Variants in ZBED6 observed in about 807,000 individuals in gnomAD.
ZBED6 encodes zinc finger BED domain-containing protein 6.
Under a neutral mutation model 58.4 loss-of-function variants are expected in ZBED6, and 40 were observed. The observed-to-expected ratio is 0.68, with a 90% confidence interval of 0.53 to 0.89. The LOEUF (loss-of-function observed/expected upper bound fraction) is 0.89, where lower values mean the gene tolerates loss of function less well. ZBED6 is among the 40% of genes least tolerant of loss of function. The probability of loss-of-function intolerance (pLI) is 0.00; values close to 1 mark genes in which losing one functional copy is unlikely to be tolerated. For synonymous variants in ZBED6, 439 were observed against 350.6 expected (o/e 1.25, Z -2.82); for missense variants, 1,057 against 1,003.9 (o/e 1.05, Z -0.71).
chr1:203,823,074 T>C (rs1442886032), intron 3 of ZBED6, among the ~76,000 whole-genome samples: 1 of 42,814 alleles, frequency 2.3e-5, no homozygotes, highest in Non-Finnish European at 4.7e-5. Context: ...TTTTATGTTA[T>C]AACATGAAAA....
In ZBED6 at chr1:203,850,619, G is replaced by A. The variant is rs764689623; in HGVS notation, c.*4743G>A. On this transcript the variant is annotated 3_prime_UTR_variant, in exon 15 of 17. Coordinates refer to ENST00000550078, the Ensembl canonical transcript of ZBED6. ...GGAGATGCACGCTGCTGTCATTGCC[G>A]CTGTGAAGCCACTCAGCTCCAGCAG... 222 of 1,613,988 alleles carry A rather than the reference G, an allele frequency of 1.4e-4. No individual in the cohort carries two copies. The highest frequency in any genetic ancestry group is 1.8e-4 in the Non-Finnish European group (213 of 1,180,018).
At chr1:203,805,134 A>G (rs1233125348) in intron 1 of ZBED6, among the ~76,000 whole-genome samples, 2 of 137,966 alleles carry the variant, frequency 1.4e-5, no homozygotes, top group East Asian at 3.9e-4. Context: ...CACTTCTGAT[A>G]CAGTAGTGAT....
At chr1:203,827,975 A>G (rs1407315024) in intron 3 of ZBED6, among the ~76,000 whole-genome samples, 8 of 152,244 alleles carry the variant, frequency 5.3e-5, no homozygotes, top group African/African-American at 1.9e-4. Context: ...GTAACATAAT[A>G]GAGATTCAGA....
rs116656269 is a variant in ZBED6, at chr1:203,809,580, T to G, written c.*2554+6564T>G. Among the ~76,000 whole-genome samples, 631 of 152,304 alleles carry G rather than the reference T, an allele frequency of 4.1e-3. 1 individual carries two copies. Among genetic ancestry groups the G allele is most frequent in the Non-Finnish European group, 6.5e-3 (443 of 68,018 alleles). On this transcript the variant is annotated intron_variant, in intron 1 of 16. Transcript: ENST00000550078. Reference sequence around the variant, plus strand: ...AAATAATATGTCCTTTTTCCTACATTAACTTCTAGAGAGTGGGTTGAGAAA... The same window carrying G: ...AAATAATATGTCCTTTTTCCTACATGAACTTCTAGAGAGTGGGTTGAGAAA...
At chr1:203,833,704 TA>T in intron 8 of ZBED6, 86 bp from the exon 9 acceptor site, 1 of 1,033,932 alleles carries the variant, frequency 9.7e-7, no homozygotes, top group Admixed American at 2.9e-5. Context: ...TTTACACTAA[TA>T]TCAGAACATA....
chr1:203,806,365 A>T (rs1672345718), intron 1 of ZBED6: 1 of 202,688 alleles, frequency 4.9e-6, no homozygotes, highest in African/African-American at 2.4e-5. Flanking sequence ...CAAGTGGCAT[A>T]ATCTTGGCTC....
intron 1 of ZBED6, among the ~76,000 whole-genome samples, chr1:203,803,662 G>A (rs374364385): frequency 7.9e-5 from 12 of 152,172 alleles, no homozygotes; most frequent in African/African-American, 2.9e-4. Context: ...CTGGAGTGCA[G>A]TGGCATGATC....
chr1:203,800,487 G>T, exon 1 of ZBED6: 1 of 1,458,806 alleles, frequency 6.9e-7, no homozygotes, highest in South Asian at 1.4e-5. Flanking sequence ...TTTAAAATGG[G>T]CAACTTTTTG....
intron 1 of ZBED6, among the ~76,000 whole-genome samples, chr1:203,812,816 A>G (rs1237584313): frequency 6.6e-6 from 1 of 152,222 alleles, no homozygotes; most frequent in Non-Finnish European, 1.5e-5. Flanking sequence ...TCCTGACCTC[A>G]GATGACCCAC....
exon 1 of ZBED6, chr1:203,799,494 C>G (rs1323895920): frequency 1.4e-6 from 1 of 702,894 alleles, no homozygotes; most frequent in Non-Finnish European, 2.6e-6. Flanking sequence ...GTTAAAATGG[C>G]TCTTGGAGCA....
At chr1:203,818,905 T>A (rs1292172089) in intron 3 of ZBED6, among the ~76,000 whole-genome samples, 1 of 151,536 alleles carries the variant, frequency 6.6e-6, no homozygotes, top group Non-Finnish European at 1.5e-5. Context: ...CCATCTCTAC[T>A]AAAAATACAA....
At position 203,820,577 on chromosome 1, in the gene ZBED6, A is replaced by G. The variant is rs182762125; in HGVS notation, c.*2873+1888A>G. The stretch of plus-strand genomic sequence containing the variant: ...ACTGCGACCTCTGCCTCCTGAGTTC[A>G]TGTGATTCTTGTGCCTCAACCTCTC... On this transcript the variant is annotated intron_variant, in intron 3 of 16. Coordinates refer to ENST00000550078, the Ensembl canonical transcript of ZBED6. Among the ~76,000 whole-genome samples the G allele has an allele frequency of 1.4e-4, 21 of 151,652 alleles. No homozygotes were observed. In the East Asian group the frequency reaches 3.9e-3, roughly 28 times the overall value.
At position 203,829,826 on chromosome 1, in the gene ZBED6, A is replaced by G. The variant is rs202178756; in HGVS notation, c.*3248A>G. 9.3e-6 allele frequency: 15 copies of G among 1,614,174 alleles called. No homozygotes were observed. The Admixed American group carries it at 1.5e-4, about 16-fold the overall frequency. ...ATGAAACCAAAACACCTACCCTGCA[A>G]CCAACTCCTGAAGTTCACAATGGAT... On this transcript the variant is annotated 3_prime_UTR_variant, in exon 6 of 17. Coordinates refer to ENST00000550078, the Ensembl canonical transcript of ZBED6.
At chr1:203,804,791 G>A (rs2102490647) in intron 1 of ZBED6, among the ~76,000 whole-genome samples, 1 of 151,006 alleles carries the variant, frequency 6.6e-6, no homozygotes, top group African/African-American at 2.4e-5. Flanking sequence ...TTCTGTCTCA[G>A]CCTCCCAAGT....
At chr1:203,796,978 A>T (rs1668740532) in exon 1 of ZBED6, 1 of 153,210 alleles carries the variant, frequency 6.5e-6, no homozygotes, top group South Asian at 2.1e-4. Flanking sequence ...TGTATTGGCA[A>T]ATCACAGTCC....
chr1:203,837,561 AC>A (rs1455703467), intron 9 of ZBED6, among the ~76,000 whole-genome samples: 1 of 149,342 alleles, frequency 6.7e-6, no homozygotes, highest in Non-Finnish European at 1.5e-5. Flanking sequence ...TAGCCTTTCT[AC>A]CTCCTGGGCT....
exon 1 of ZBED6, chr1:203,798,217 A>G: frequency 1.3e-6 from 2 of 1,536,190 alleles, no homozygotes; most frequent in Non-Finnish European, 1.7e-6. Flanking sequence ...GGCAAGAAGC[A>G]TGATAAATCA....
chr1:203,841,609 C>G (rs967113831), intron 11 of ZBED6, among the ~76,000 whole-genome samples: 1 of 152,256 alleles, frequency 6.6e-6, no homozygotes, highest in South Asian at 2.1e-4. Flanking sequence ...CACATTTCCC[C>G]GTTTTCTATT....
exon 17 of ZBED6, chr1:203,852,218 G>T (rs1330389975): frequency 1.2e-6 from 2 of 1,613,406 alleles, no homozygotes; most frequent in Admixed American, 1.7e-5. Flanking sequence ...TCCCAAATGA[G>T]CATGAAAACT....
Sources: gnomAD v4.1 joint callset for allele counts (sites outside exome capture counted in the v4.1 genomes callset) on GRCh38, gnomAD v4.1.1 for gene constraint, MANE v1.5 for transcripts, NCBI Gene and HGNC (gene_info 2026-07-23, HGNC 2026-07-21) for gene names.